The following KDM6A variants were observed in gnomAD, a reference collection of about 807,000 sequenced individuals.
KDM6A encodes the protein lysine-specific demethylase 6A.
Under a neutral mutation model 117.6 loss-of-function variants are expected in KDM6A, and 11 were observed. That is an observed-to-expected ratio of 0.09 (90% CI 0.06 to 0.15). The LOEUF (loss-of-function observed/expected upper bound fraction) is 0.15, where lower values mean the gene tolerates loss of function less well. KDM6A is among the 10% of genes least tolerant of loss of function. The pLI is 1.00. For synonymous variants in KDM6A, 384 were observed against 396.1 expected (o/e 0.97, Z 0.36); for missense variants, 799 against 1,077.3 (o/e 0.74, Z 3.62).
intron 8 of KDM6A, among the ~76,000 whole-genome samples, chrX:45,042,415 TA>T (rs1183826490): frequency 2.8e-5 from 3 of 108,407 alleles, no homozygotes; most frequent in East Asian, 2.9e-4. Context: ...ATGAAAGGAT[TA>T]AAAAAAAACT....
chrX:45,089,872 T>G lies in KDM6A; in HGVS notation c.3834T>G (p.His1278Gln). 1.7e-6 allele frequency: 2 copies of G among 1,211,659 alleles called. No homozygotes were observed. The highest frequency in any genetic ancestry group is 2.2e-6 in the Non-Finnish European group (2 of 895,291). Residue 1278 changes from histidine (H) to glutamine (Q), a missense_variant, in exon 26 of 30, where the codon CAT becomes CAG. Physicochemically the swap from His to Gln is conservative, Grantham distance 24. Around this residue, in one of 8 missense-constraint regions of KDM6A, gnomAD observed 291 missense variants for 437.9 expected, o/e 0.66. Coordinates refer to ENST00000611820, the MANE Select transcript of KDM6A (RefSeq NM_001291415.2). Reference protein sequence around the residue: ...DLVWINAGTVHWVQAIGWCNN... With the variant: ...DLVWINAGTVQWVQAIGWCNN... Reference sequence around the variant, plus strand: ...TCTGGATAAATGCAGGCACTGTTCATTGGGTTCAGGCTATTGGCTGGTGCA... The same window carrying G: ...TCTGGATAAATGCAGGCACTGTTCAGTGGGTTCAGGCTATTGGCTGGTGCA...
chrX:45,090,906 G>A, intron 27 of KDM6A, 42 bp downstream of exon 27: 2 of 1,186,828 alleles, frequency 1.7e-6, no homozygotes, highest in Non-Finnish European at 2.3e-6. Flanking sequence ...CTCTTTTTGG[G>A]GAGTGTTAAC....
intron 3 of KDM6A, among the ~76,000 whole-genome samples, chrX:44,965,729 G>GA (rs1458385908): frequency 8.9e-6 from 1 of 111,953 alleles, no homozygotes; most frequent in Non-Finnish European, 1.9e-5. Flanking sequence ...CAATAATAAT[G>GA]AAAATGTATG....
At chrX:44,909,774 C>T (rs930255913) in intron 2 of KDM6A, among the ~76,000 whole-genome samples, 1 of 111,167 alleles carries the variant, frequency 9.0e-6, no homozygotes, top group African/African-American at 3.3e-5. Flanking sequence ...TTTCCTTTCC[C>T]GTAGAAGATT....
chrX:44,974,537 T>C, intron 3 of KDM6A, 129 bp from the exon 4 acceptor site: 1 of 503,020 alleles, frequency 2.0e-6, no homozygotes. Context: ...GAATTTTAAG[T>C]TGTTTGGTCT....
intron 4 of KDM6A, among the ~76,000 whole-genome samples, chrX:44,992,294 G>A (rs1423665161): frequency 2.4e-5 from 2 of 81,674 alleles, no homozygotes; most frequent in African/African-American, 9.6e-5. Context: ...GTGCGATCTC[G>A]GCTCACTGCA....
intron 6 of KDM6A, among the ~76,000 whole-genome samples, chrX:45,033,600 T>C (rs1007786627): frequency 1.8e-5 from 2 of 110,607 alleles, no homozygotes; most frequent in Non-Finnish European, 3.8e-5. Flanking sequence ...GTCGCCTAGG[T>C]TGGAGTGGAG....
At position 45,069,995 on chromosome X, in the gene KDM6A, C is replaced by T. The variant is rs2148047678; in HGVS notation, c.2496C>T (p.Leu832=). 1.7e-6 allele frequency: 2 copies of T among 1,211,880 alleles called. No individual in the cohort carries two copies. Among genetic ancestry groups the T allele is most frequent in the Non-Finnish European group, 1.1e-6 (1 of 895,511 alleles). The part of the protein sequence containing the change: ...PGLLSSDNPQ[L]SALLMGKANN... ...TACTAAGTTCAGACAATCCTCAGCTCTCTGCCTTGTTGATGGGAAAAGCCA... is the reference window on the plus strand; with the variant it reads ...TACTAAGTTCAGACAATCCTCAGCTTTCTGCCTTGTTGATGGGAAAAGCCA... The change falls in exon 18 of 30, where the codon CTC becomes CTT. Residue 832 remains leucine, a synonymous_variant. Coordinates refer to ENST00000611820, the MANE Select transcript of KDM6A (RefSeq NM_001291415.2).
intron 2 of KDM6A, among the ~76,000 whole-genome samples, chrX:44,946,402 C>A (rs1367801854): frequency 8.9e-6 from 1 of 111,905 alleles, no homozygotes; most frequent in African/African-American, 3.2e-5. Flanking sequence ...AGATTTTCCT[C>A]ATTAGTATTT....
chrX:44,923,688 G>A (rs763279977), intron 2 of KDM6A, among the ~76,000 whole-genome samples: 1 of 108,913 alleles, frequency 9.2e-6, no homozygotes, highest in Non-Finnish European at 1.9e-5. Context: ...GGGATTACAG[G>A]CATGCGCCAT....
chrX:45,081,955 A>G (rs1006864204), intron 21 of KDM6A, among the ~76,000 whole-genome samples: 3 of 108,106 alleles, frequency 2.8e-5, no homozygotes, highest in Admixed American at 9.9e-5. Flanking sequence ...ATTTTTTTGT[A>G]TTTTTAGTAG....
intron 4 of KDM6A, among the ~76,000 whole-genome samples, chrX:45,010,224 A>ACT (rs2041691676): frequency 9.0e-6 from 1 of 110,522 alleles, no homozygotes; most frequent in Admixed American, 9.7e-5. Context: ...AGTCCCAGCT[A>ACT]CTTGGGAGAC....
At chrX:45,085,230 G>A (rs1168318796) in intron 24 of KDM6A, among the ~76,000 whole-genome samples, 2 of 111,453 alleles carry the variant, frequency 1.8e-5, no homozygotes, top group African/African-American at 3.3e-5. Flanking sequence ...TAGTTCATAA[G>A]GAAAAAAATG....
At chrX:44,940,382 CAA>C (rs2037230267) in intron 2 of KDM6A, among the ~76,000 whole-genome samples, 1 of 111,418 alleles carries the variant, frequency 9.0e-6, no homozygotes, top group African/African-American at 3.3e-5. Context: ...TATACATTAT[CAA>C]AAAGTTACAT....
At chrX:45,012,029 C>A in intron 5 of KDM6A, among the ~76,000 whole-genome samples, 1 of 110,227 alleles carries the variant, frequency 9.1e-6, no homozygotes, top group East Asian at 2.9e-4. Flanking sequence ...TCAGGGCATG[C>A]TCCCACCTCA....
rs1314752033 is a variant in KDM6A at position 45,080,850 on chromosome X, T to G, written c.3300+1499T>G. 2.7e-5 allele frequency among the ~76,000 whole-genome samples: 3 copies of G among 112,207 alleles called. No individual in the cohort carries two copies. The South Asian group carries it at 1.1e-3, about 41-fold the overall frequency. On this transcript the variant is annotated intron_variant, in intron 21 of 29. Transcript: ENST00000611820. ...AGTCAAAGATCATCAAAGAAAAATT[T>G]GGAGGAAGAGTTGAAAAGCAAAGAT... is the stretch of plus-strand genomic sequence containing the variant.
At chrX:44,875,944 C>T (rs2031488955) in intron 2 of KDM6A, among the ~76,000 whole-genome samples, 1 of 111,720 alleles carries the variant, frequency 9.0e-6, no homozygotes, top group Admixed American at 9.6e-5. Context: ...TATGCACTAA[C>T]GAGTTTAAAT....
At chrX:44,939,487 A>G (rs1338010112) in intron 2 of KDM6A, among the ~76,000 whole-genome samples, 4 of 112,385 alleles carry the variant, frequency 3.6e-5, no homozygotes, top group Non-Finnish European at 7.5e-5. Context: ...ATGGATGAGC[A>G]AAGAAGGTGG....
intron 4 of KDM6A, among the ~76,000 whole-genome samples, chrX:44,994,388 G>A (rs1217074830): frequency 9.0e-6 from 1 of 111,450 alleles, no homozygotes. Context: ...GGCTTATTTT[G>A]CTTAACACAA....
Sources: gnomAD v4.1 joint callset for allele counts (sites outside exome capture counted in the v4.1 genomes callset) on GRCh38, gnomAD v4.1.1 for gene constraint, gnomAD v4.1.1 regional missense constraint, MANE v1.5 for transcripts, NCBI Gene and HGNC (gene_info 2026-07-23, HGNC 2026-07-21) for gene names.